The following RAD17 variants were observed in gnomAD, a reference collection of about 807,000 sequenced individuals.
RAD17 encodes the protein RAD17 checkpoint clamp loader component, also known as cell cycle checkpoint protein RAD17.
A neutral mutation model predicts 81.5 loss-of-function variants in RAD17; 31 were observed. That is an observed-to-expected ratio of 0.38 (90% CI 0.29 to 0.51). RAD17 has a LOEUF of 0.51. Among genes scored for constraint, RAD17 ranks in the 20% least tolerant of loss-of-function variants. The probability of loss-of-function intolerance (pLI) is 0.88; values close to 1 mark genes in which losing one functional copy is unlikely to be tolerated. For synonymous variants in RAD17, 261 were observed against 266.2 expected, an observed-to-expected ratio of 0.98 and a Z score of 0.19; for missense variants, 681 against 781.2, an observed-to-expected ratio of 0.87 and a Z score of 1.53.
intron 16 of RAD17, among the ~76,000 whole-genome samples, chr5:69,399,352 T>G (rs1447866391): frequency 1.3e-5 from 2 of 152,194 alleles, no homozygotes; most frequent in Non-Finnish European, 2.9e-5. Context: ...ATGAGAGTAG[T>G]AGGCACCACT....
chr5:69,376,842 C>T (rs1321466883), intron 6 of RAD17, among the ~76,000 whole-genome samples: 1 of 152,228 alleles, frequency 6.6e-6, no homozygotes. Flanking sequence ...CAACCTCTGC[C>T]TCCTGGGTTC....
chr5:69,389,267 C>A, intron 12 of RAD17, 122 bp downstream of exon 12: 1 of 487,922 alleles, frequency 2.0e-6, no homozygotes, highest in Non-Finnish European at 3.5e-6. Context: ...TTCTTTATTA[C>A]TGAGACAGTG....
chr5:69,412,984 C>CA (rs58817125), intron 18 of RAD17, among the ~76,000 whole-genome samples: 1,730 of 145,060 alleles, frequency 0.012, 43 homozygotes, highest in African/African-American at 0.042. Flanking sequence ...AAGACTGTCT[C>CA]AAAAAAAAAA....
At chr5:69,381,853 G>T in intron 6 of RAD17, 48 bp from the exon 7 acceptor site, 1 of 1,313,920 alleles carries the variant, frequency 7.6e-7, no homozygotes, top group Non-Finnish European at 1.1e-6. Flanking sequence ...TAATATTCTA[G>T]CATTCCAGTG....
intron 1 of RAD17, 163 bp from the exon 2 acceptor site, chr5:69,370,869 AACT>A (rs1389785523): frequency 1.7e-5 from 4 of 238,158 alleles, no homozygotes; most frequent in Non-Finnish European, 3.4e-5. Flanking sequence ...GTAGACCTTA[AACT>A]TTTCTTCTGG....
chr5:69,393,191 C>A lies in RAD17; in HGVS notation c.1226C>A (p.Pro409His). The A allele has an allele frequency of 6.2e-7, 1 of 1,611,708 alleles. No homozygotes were observed. Among genetic ancestry groups the A allele is most frequent in the Non-Finnish European group, 8.5e-7 (1 of 1,178,732 alleles). Reference sequence around the variant, plus strand: ...ACAGAATTAGACTCACCTCGGTTGCCCTCTCATTTATCAGAATATGAACGG... The same window carrying A: ...ACAGAATTAGACTCACCTCGGTTGCACTCTCATTTATCAGAATATGAACGG... Reference protein sequence around the residue: ...SLTELDSPRLPSHLSEYERDT... With the variant: ...SLTELDSPRLHSHLSEYERDT... Residue 409 changes from proline (P) to histidine (H), a missense_variant, in exon 14 of 19, where the codon CCC becomes CAC. Physicochemically the swap from Pro to His is moderately conservative, Grantham distance 77. Coordinates refer to ENST00000354868, the MANE Select transcript of RAD17 (RefSeq NM_133338.3).
rs1209529740 is a variant in RAD17, at chr5:69,386,163, G to A, written c.699-17G>A. 5 of 1,600,170 alleles carry A rather than the reference G, an allele frequency of 3.1e-6. No homozygotes were observed. Among genetic ancestry groups the A allele is most frequent in the African/African-American group, 1.3e-5 (1 of 74,444 alleles). On this transcript the variant is annotated splice_polypyrimidine_tract_variant and intron_variant, in intron 9 of 18. Coordinates refer to ENST00000354868, the MANE Select transcript of RAD17 (RefSeq NM_133338.3). ...AAGTGGCTTAAATTTCAACATTGCT[G>A]TATTTTGTTATTTTAGGAAGTATGT...
At position 69,371,483 on chromosome 5, in the gene RAD17, C is replaced by A; in HGVS notation, c.-250C>A. 1 of 1,055,752 alleles carries A rather than the reference C, an allele frequency of 9.5e-7. No individual in the cohort carries two copies. The highest frequency in any genetic ancestry group is 1.9e-5 in the South Asian group (1 of 52,522). 65.4% of individuals were successfully genotyped at this position (1,055,752 alleles called of 1,614,324 possible). A position where few individuals can be genotyped will look rare whatever the true frequency, so the allele number is the denominator to read the frequency against. On this transcript the variant is annotated 5_prime_UTR_variant, in exon 3 of 19. Transcript: ENST00000354868. The stretch of plus-strand genomic sequence containing the variant: ...ATTATAGTTTAATGTACTGCAAGTC[C>A]TAAACTACGGATGGGAACTATTACA...
chr5:69,393,393 A>G lies in RAD17; in HGVS notation c.1315A>G (p.Asn439Asp). 1 of 1,600,610 alleles carries G rather than the reference A, an allele frequency of 6.2e-7. No homozygotes were observed. Residue 439 changes from asparagine (N) to aspartate (D), a missense_variant, in exon 15 of 19, where the codon AAT (asparagine) becomes GAT (aspartate). Asn to Asp is a conservative substitution (Grantham distance 23). Coordinates refer to ENST00000354868, the MANE Select transcript of RAD17 (RefSeq NM_133338.3). ...EMSHMPGDLFNLYLHQNYIDF... is the reference protein window; with the variant it reads ...EMSHMPGDLFDLYLHQNYIDF... Reference sequence around the variant, plus strand: ...GTCACACATGCCTGGAGACTTATTTAATTTATATCTTCACCAAAACTACAT... The same window carrying G: ...GTCACACATGCCTGGAGACTTATTTGATTTATATCTTCACCAAAACTACAT...
At chr5:69,373,398 G>A (rs1283865505) in intron 4 of RAD17, among the ~76,000 whole-genome samples, 1 of 152,122 alleles carries the variant, frequency 6.6e-6, no homozygotes, top group Admixed American at 6.6e-5. Flanking sequence ...TTTAAAAAGA[G>A]TTAATTTGTA....
chr5:69,382,747 T>C (rs1170333375), intron 7 of RAD17, among the ~76,000 whole-genome samples: 4 of 152,206 alleles, frequency 2.6e-5, no homozygotes, highest in Middle Eastern at 3.2e-3. Flanking sequence ...AAAGATGTCT[T>C]TGGAATTTGG....
chr5:69,374,045 T>C lies in RAD17; in HGVS notation c.225T>C (p.Ser75=). 6.2e-7 allele frequency: 1 copy of C among 1,611,142 alleles called. No individual in the cohort carries two copies. Among genetic ancestry groups the C allele is most frequent in the South Asian group, 1.1e-5 (1 of 90,884 alleles). ...YGLENSKEYL[S]ENEPWVDKYK... is the part of the protein sequence containing the mutation. ...TAGAAAATTCAAAAGAATATCTGTC[T>C]GAAAATGAACCATGGGTGGATAAAT... Residue 75 remains serine (S), a synonymous_variant, in exon 5 of 19, where the codon TCT becomes TCC. Coordinates refer to ENST00000354868, the MANE Select transcript of RAD17 (RefSeq NM_133338.3).
intron 10 of RAD17, 33 bp from the exon 11 acceptor site, chr5:69,386,363 C>A (rs769942575): frequency 3.8e-6 from 6 of 1,578,998 alleles, no homozygotes; most frequent in Non-Finnish European, 4.3e-6. Context: ...TTAAATTAAT[C>A]ATTTAACTGC....
intron 1 of RAD17, chr5:69,370,687 A>T (rs1361989069): frequency 6.5e-6 from 1 of 152,778 alleles, no homozygotes; most frequent in Non-Finnish European, 1.5e-5. Context: ...TATTTACTCA[A>T]ATAGGTGTTT....
At chr5:69,404,534 G>A (rs769144055) in intron 17 of RAD17, among the ~76,000 whole-genome samples, 2 of 151,994 alleles carry the variant, frequency 1.3e-5, no homozygotes, top group Non-Finnish European at 2.9e-5. Context: ...TTGGTTGGCC[G>A]AGGTGGGTGG....
chr5:69,376,296 C>G (rs1438616052), intron 6 of RAD17, among the ~76,000 whole-genome samples: 1 of 152,184 alleles, frequency 6.6e-6, no homozygotes, highest in Middle Eastern at 3.2e-3. Context: ...TCAATCCTTG[C>G]CTGAATCACT....
rs913594965 is a variant in RAD17 at position 69,408,506 on chromosome 5, C to CTTTTT, written c.1694-1967_1694-1963dup. On this transcript the variant is annotated intron_variant, in intron 17 of 18. Coordinates refer to ENST00000354868, the MANE Select transcript of RAD17 (RefSeq NM_133338.3). ...ATCACACTGTTGGCTACCCTAATTACTTTTTTTTTTTTTTTTTTTTTTTTG... is the reference window on the plus strand; with the variant it reads ...ATCACACTGTTGGCTACCCTAATTACTTTTTTTTTTTTTTTTTTTTTTTTTTTTTG... Among the ~76,000 whole-genome samples the CTTTTT allele has an allele frequency of 1.3e-3, 119 of 88,440 alleles. 1 individual carries two copies. Among genetic ancestry groups the CTTTTT allele is most frequent in the African/African-American group, 2.1e-3 (47 of 22,040 alleles). The allele number at this position is 88,440 out of a possible 152,430, so 58.0% of individuals were successfully genotyped here.
intron 6 of RAD17, among the ~76,000 whole-genome samples, chr5:69,380,149 G>A (rs1763760867): frequency 6.6e-6 from 1 of 152,036 alleles, no homozygotes; most frequent in African/African-American, 2.4e-5. Flanking sequence ...CCAAAGTGCT[G>A]GGATTATAGG....
Position 69,389,169 on chromosome 5 carries a change from G to A in RAD17, c.1006+24G>A, listed in dbSNP as rs569477705. ...AGGTAACTATGGAAGATACAGTCAT[G>A]TGGCATTATATAGGTGACTGACTTT... On this transcript the variant is annotated intron_variant, in intron 12 of 18. Transcript: ENST00000354868. The A allele has an allele frequency of 2.8e-6, 4 of 1,419,168 alleles. No homozygotes were observed. The East Asian group carries it at 9.4e-5, about 33-fold the overall frequency. The allele number at this position is 1,419,168 out of a possible 1,614,324, so 87.9% of individuals were successfully genotyped here.
Sources: gnomAD v4.1 joint callset for allele counts (sites outside exome capture counted in the v4.1 genomes callset) on GRCh38, gnomAD v4.1.1 for gene constraint, MANE v1.5 for transcripts, NCBI Gene and HGNC (gene_info 2026-07-23, HGNC 2026-07-21) for gene names.